RRAGD: variants seen among roughly 807,000 people sequenced by gnomAD.
RRAGD encodes ras-related GTP-binding protein D.
In RRAGD, 12 loss-of-function variants were observed where a neutral mutation model predicts 35.5. The ratio of observed to expected loss-of-function variants is 0.34; its 90% CI spans 0.22 to 0.55. The LOEUF (loss-of-function observed/expected upper bound fraction) is 0.55. RRAGD is among the 20% of genes least tolerant of loss of function. RRAGD has a pLI of 0.91. For missense variants in RRAGD, 324 were observed against 490.1 expected (o/e 0.66, Z 3.20); for synonymous variants, 155 against 178.9 (o/e 0.87, Z 1.07).
intron 6 of RRAGD, among the ~76,000 whole-genome samples, chr6:89,369,058 A>G (rs566616842): frequency 1.6e-3 from 241 of 152,068 alleles, no homozygotes; most frequent in Middle Eastern, 6.8e-3. Context: ...GCCGCGTCCA[A>G]AGGAAGAATT....
chr6:89,377,586 A>G, intron 5 of RRAGD, 85 bp downstream of exon 5: 1 of 1,217,952 alleles, frequency 8.2e-7, no homozygotes, highest in South Asian at 2.0e-5. Flanking sequence ...TGTTAAAGTT[A>G]AGTAAGTAAA....
intron 1 of RRAGD, among the ~76,000 whole-genome samples, chr6:89,391,466 C>A (rs1769231954): frequency 1.3e-5 from 2 of 151,472 alleles, no homozygotes; most frequent in South Asian, 2.1e-4. Flanking sequence ...TATGGATGAA[C>A]ACTGAAAATA....
At chr6:89,379,389 G>A in intron 3 of RRAGD, 51 bp from the exon 4 acceptor site, 1 of 907,350 alleles carries the variant, frequency 1.1e-6, no homozygotes, top group South Asian at 1.5e-5. Context: ...ATGAGGAACA[G>A]GCTGCTTAGG....
intron 6 of RRAGD, 76 bp downstream of exon 6, chr6:89,372,361 C>T (rs1768868472): frequency 1.4e-6 from 2 of 1,459,704 alleles, no homozygotes; most frequent in South Asian, 2.5e-5. Flanking sequence ...TGTCCACCCA[C>T]ATTCAACAAA....
chr6:89,394,651 A>G (rs2127893885), intron 1 of RRAGD, among the ~76,000 whole-genome samples: 1 of 152,334 alleles, frequency 6.6e-6, no homozygotes, highest in Admixed American at 6.5e-5. Context: ...TGAATGGTAA[A>G]AGAGAGGTAA....
chr6:89,374,811 A>G (rs1768910594), intron 5 of RRAGD, among the ~76,000 whole-genome samples: 1 of 152,098 alleles, frequency 6.6e-6, no homozygotes, highest in South Asian at 2.1e-4. Flanking sequence ...CTACCAAAAC[A>G]TTAAAGAAAA....
intron 1 of RRAGD, among the ~76,000 whole-genome samples, chr6:89,395,025 G>A (rs1769306629): frequency 1.3e-5 from 2 of 152,152 alleles, no homozygotes; most frequent in Admixed American, 1.3e-4. Context: ...GGGAGGTTGA[G>A]GTGGGAGGAT....
chr6:89,393,918 A>G (rs1264529054), intron 1 of RRAGD, among the ~76,000 whole-genome samples: 1 of 152,208 alleles, frequency 6.6e-6, no homozygotes, highest in Non-Finnish European at 1.5e-5. Flanking sequence ...GTATGAATGT[A>G]TGGATTAAAA....
chr6:89,408,637 T>C (rs972847735), intron 1 of RRAGD, among the ~76,000 whole-genome samples: 1 of 152,146 alleles, frequency 6.6e-6, no homozygotes, highest in African/African-American at 2.4e-5. Flanking sequence ...ACCCTAAGGG[T>C]GCGCACAGGC....
intron 5 of RRAGD, among the ~76,000 whole-genome samples, chr6:89,373,987 TA>T (rs1768893725): frequency 6.6e-6 from 1 of 152,180 alleles, no homozygotes; most frequent in African/African-American, 2.4e-5. Context: ...TTTTCCCCCT[TA>T]CCTAAAACTG....
intron 2 of RRAGD, among the ~76,000 whole-genome samples, chr6:89,385,779 A>G (rs1472983331): frequency 6.6e-6 from 1 of 152,254 alleles, no homozygotes; most frequent in Non-Finnish European, 1.5e-5. Flanking sequence ...ACCATTGGCC[A>G]TGCTCCCACA....
Position 89,412,108 on chromosome 6 carries a change from G to T in RRAGD, c.-115C>A, listed in dbSNP as rs575340182. 3.9e-5 allele frequency: 40 copies of T among 1,023,056 alleles called. No homozygotes were observed. The highest frequency in any genetic ancestry group is 1.0e-4 in the African/African-American group (6 of 59,560). The allele number at this position is 1,023,056 out of a possible 1,614,324, so 63.4% of individuals were successfully genotyped here. ...AGCGGAGGTTTGTCTAGAGCTCAGC[G>T]GGGCCCGGCGGAAGCGGGGGCCGCG... is the stretch of plus-strand genomic sequence containing the variant. On this transcript the variant is annotated 5_prime_UTR_variant, in exon 1 of 7. Transcript: ENST00000369415. This position sits in a 1 kb window ranked among gnomAD's most constrained non-coding sequence, Gnocchi z 4.2.
At chr6:89,410,515 T>C (rs1769672873) in intron 1 of RRAGD, among the ~76,000 whole-genome samples, 2 of 152,188 alleles carry the variant, frequency 1.3e-5, no homozygotes, top group South Asian at 4.1e-4. Flanking sequence ...GGCCTGGTGC[T>C]CAACGGTAAG....
rs746487749 is a variant in RRAGD, at chr6:89,411,812, G to C, written c.148+34C>G. 2 of 1,533,234 alleles carry C rather than the reference G, an allele frequency of 1.3e-6. No homozygotes were observed. The highest frequency in any genetic ancestry group is 2.4e-5 in the South Asian group (2 of 84,286). 95.0% of individuals were successfully genotyped at this position (1,533,234 alleles called of 1,614,324 possible). ...GGAAGGCGCCAAGGGGAGGAAAGGG[G>C]CGCGAGCCGAGGACGCGGGGGCCGG... On this transcript the variant is annotated intron_variant, in intron 1 of 6. Coordinates refer to ENST00000369415, the MANE Select transcript of RRAGD (RefSeq NM_021244.5). The surrounding 1 kb of genome is among the most constrained non-coding windows in gnomAD (Gnocchi z 5.6).
Position 89,365,196 on chromosome 6 carries a change from A to C in RRAGD, c.*2860T>G, listed in dbSNP as rs574102416. On this transcript the variant is annotated 3_prime_UTR_variant, in exon 7 of 7. Transcript: ENST00000369415. Reference sequence around the variant, plus strand: ...GTTTTTGCTTTATATTCCTTCAAAAACATTCCACCCTGGTCATTCACACTA... The same window carrying C: ...GTTTTTGCTTTATATTCCTTCAAAACCATTCCACCCTGGTCATTCACACTA... 3.3e-5 allele frequency: 5 copies of C among 152,188 alleles called. No individual in the cohort carries two copies. The highest frequency in any genetic ancestry group is 7.3e-5 in the Non-Finnish European group (5 of 68,028). The allele number at this position is 152,188 out of a possible 1,614,324, so 9.4% of individuals were successfully genotyped here.
intron 1 of RRAGD, among the ~76,000 whole-genome samples, chr6:89,408,920 T>C (rs1191943859): frequency 6.6e-6 from 1 of 152,192 alleles, no homozygotes. Flanking sequence ...TAGTTTTATC[T>C]GGAGTGTGGG....
chr6:89,411,126 T>A lies in RRAGD; in HGVS notation c.148+720A>T, dbSNP rs1769683476. On this transcript the variant is annotated intron_variant, in intron 1 of 6. Coordinates refer to ENST00000369415, the MANE Select transcript of RRAGD (RefSeq NM_021244.5). The surrounding 1 kb of genome is among the most constrained non-coding windows in gnomAD (Gnocchi z 5.6). ...CCCGCTTCTAGAACAGGAAAAAGAG[T>A]TTGCTTCACTATTGAAGCAAAGAAT... 1.3e-5 allele frequency among the ~76,000 whole-genome samples: 2 copies of A among 150,474 alleles called. No homozygotes were observed. Among genetic ancestry groups the A allele is most frequent in the South Asian group, 4.2e-4 (2 of 4,746 alleles).
intron 5 of RRAGD, among the ~76,000 whole-genome samples, chr6:89,376,561 A>C (rs1297748028): frequency 6.6e-6 from 1 of 152,176 alleles, no homozygotes; most frequent in Admixed American, 6.5e-5. Context: ...TTAACATCTT[A>C]ATAAGATGAA....
Position 89,387,332 on chromosome 6 carries a change from C to CG in RRAGD, c.406dup (p.Arg136ProfsTer11). The CG allele has an allele frequency of 6.2e-7, 1 of 1,614,112 alleles. No homozygotes were observed. Among genetic ancestry groups the CG allele is most frequent in the Non-Finnish European group, 8.5e-7 (1 of 1,180,000 alleles). The stretch of plus-strand genomic sequence containing the variant: ...GACAAATATCAGTGCTCCTGTTCCC[C>CG]GGAAGATCATCTCATAGTCAAATGT... On this transcript the variant is annotated frameshift_variant, in exon 2 of 7. Coordinates refer to ENST00000369415, the MANE Select transcript of RRAGD (RefSeq NM_021244.5). LOFTEE classifies it high-confidence loss of function.
Sources: gnomAD v4.1 joint callset for allele counts (sites outside exome capture counted in the v4.1 genomes callset) on GRCh38, gnomAD v4.1.1 for gene constraint, Gnocchi (gnomAD v3.1) non-coding constraint, MANE v1.5 for transcripts, NCBI Gene and HGNC (gene_info 2026-07-23, HGNC 2026-07-21) for gene names.